Variants in GPC6 observed in about 807,000 individuals in gnomAD.
GPC6 encodes glypican-6.
In GPC6, 14 loss-of-function variants were observed where a neutral mutation model predicts 55.2. The ratio of observed to expected loss-of-function variants is 0.25; its 90% CI spans 0.17 to 0.40. The LOEUF is 0.40. GPC6 is among the 10% of genes least tolerant of loss of function. The probability of loss-of-function intolerance (pLI) is 1.00; values close to 1 mark genes in which losing one functional copy is unlikely to be tolerated. For synonymous variants in GPC6, 278 were observed against 259.6 expected (o/e 1.07, Z -0.68); for missense variants, 641 against 708.5 (o/e 0.90, Z 1.08).
chr13:93,430,556 T>C (rs1877318317), intron 1 of GPC6, among the ~76,000 whole-genome samples: 2 of 152,078 alleles, frequency 1.3e-5, no homozygotes, highest in African/African-American at 4.8e-5. Context: ...ATAAGGCAGA[T>C]TGAACAACTT....
intron 4 of GPC6, among the ~76,000 whole-genome samples, chr13:94,170,029 A>G (rs1888506162): frequency 6.6e-6 from 1 of 152,206 alleles, no homozygotes; most frequent in African/African-American, 2.4e-5. Context: ...AGAGTTGATT[A>G]AAAGAGCTTT....
intron 2 of GPC6, among the ~76,000 whole-genome samples, chr13:93,588,262 C>T (rs1877298434): frequency 6.6e-6 from 1 of 152,098 alleles, no homozygotes; most frequent in Non-Finnish European, 1.5e-5. Flanking sequence ...TACAAACTTG[C>T]ATTAAGGGAA....
intron 6 of GPC6, among the ~76,000 whole-genome samples, chr13:94,358,233 G>C (rs912359728): frequency 6.7e-6 from 1 of 149,828 alleles, no homozygotes; most frequent in Non-Finnish European, 1.5e-5. Flanking sequence ...AGGTTGCAGT[G>C]AGCTGAGATA....
rs569453492 is a variant in GPC6, at chr13:93,804,904, C to T, written c.320-25250C>T. Among the ~76,000 whole-genome samples, 5 of 152,174 alleles carry T rather than the reference C, an allele frequency of 3.3e-5. No homozygotes were observed. In the South Asian group the frequency reaches 1.0e-3, roughly 32 times the overall value. On this transcript the variant is annotated intron_variant, in intron 2 of 8. Coordinates refer to ENST00000377047, the MANE Select transcript of GPC6 (RefSeq NM_005708.5). The stretch of plus-strand genomic sequence containing the variant: ...GAACAGAAAGGGTCATTTCTTCTCT[C>T]CATCCTAGCAGAGCTGTTATGAAGA...
intron 8 of GPC6, 44 bp downstream of exon 8, chr13:94,398,685 A>C (rs760061591): frequency 1.3e-6 from 2 of 1,561,734 alleles, no homozygotes; most frequent in Non-Finnish European, 1.8e-6. Context: ...AAAGTAAAAA[A>C]TGGTTTTAGA....
At chr13:93,510,406 G>C (rs948802038) in intron 1 of GPC6, among the ~76,000 whole-genome samples, 1 of 152,068 alleles carries the variant, frequency 6.6e-6, no homozygotes, top group South Asian at 2.1e-4. Flanking sequence ...CTATAAGTGA[G>C]AGCATGCAAT....
intron 2 of GPC6, among the ~76,000 whole-genome samples, chr13:93,657,112 T>C (rs747972696): frequency 6.6e-6 from 1 of 152,022 alleles, no homozygotes; most frequent in Non-Finnish European, 1.5e-5. Context: ...CTAAAATTCA[T>C]ACAGAATCAG....
intron 1 of GPC6, among the ~76,000 whole-genome samples, chr13:93,539,256 A>G (rs1348510152): frequency 2.6e-5 from 4 of 152,170 alleles, no homozygotes; most frequent in Non-Finnish European, 5.9e-5. Flanking sequence ...CTTTAGCTCT[A>G]GAACCATGCT....
In GPC6 at chr13:93,227,693, TC is replaced by T; in HGVS notation, c.160+79del. The T allele has an allele frequency of 8.5e-7, 1 of 1,180,086 alleles. No homozygotes were observed. The highest frequency in any genetic ancestry group is 1.2e-6 in the Non-Finnish European group (1 of 832,202). 73.1% of individuals were successfully genotyped at this position (1,180,086 alleles called of 1,614,324 possible). A position where few individuals can be genotyped will look rare whatever the true frequency, so the allele number is the denominator to read the frequency against. On this transcript the variant is annotated intron_variant, in intron 1 of 8. Coordinates refer to ENST00000377047, the MANE Select transcript of GPC6 (RefSeq NM_005708.5). This position sits in a 1 kb window ranked among gnomAD's most constrained non-coding sequence, Gnocchi z 4.3. Reference sequence around the variant, plus strand: ...TCCCACTGGCCGCCCGGCGTCCCCTTCCTTCCCCCTGTTGCTGAGTTGGTGC... The same window carrying T: ...TCCCACTGGCCGCCCGGCGTCCCCTTCTTCCCCCTGTTGCTGAGTTGGTGC...
At chr13:93,982,313 CA>C (rs1314851265) in intron 3 of GPC6, among the ~76,000 whole-genome samples, 5 of 151,918 alleles carry the variant, frequency 3.3e-5, no homozygotes, top group Non-Finnish European at 5.9e-5. Context: ...AAAGAGAAGA[CA>C]AAAAGACATA....
At chr13:93,756,179 G>T (rs1321506044) in intron 2 of GPC6, among the ~76,000 whole-genome samples, 1 of 152,182 alleles carries the variant, frequency 6.6e-6, no homozygotes, top group Non-Finnish European at 1.5e-5. Flanking sequence ...TGAGAACAGT[G>T]TGTCAATCAA....
chr13:93,385,688 C>T (rs140720956), intron 1 of GPC6, among the ~76,000 whole-genome samples: 164 of 152,216 alleles, frequency 1.1e-3, no homozygotes, highest in Middle Eastern at 3.4e-3. Flanking sequence ...TTCTCTAATG[C>T]CTAAAACATA....
intron 1 of GPC6, among the ~76,000 whole-genome samples, chr13:93,439,377 T>A (rs1351944167): frequency 6.6e-6 from 1 of 152,168 alleles, no homozygotes; most frequent in Admixed American, 6.6e-5. Context: ...TCATGTGCTG[T>A]TCTCATGATA....
At chr13:93,510,123 A>C (rs1880893546) in intron 1 of GPC6, among the ~76,000 whole-genome samples, 1 of 152,108 alleles carries the variant, frequency 6.6e-6, no homozygotes, top group African/African-American at 2.4e-5. Context: ...ATTTTGGCAT[A>C]ATTTTATGGG....
At chr13:94,326,855 G>A (rs918727952) in intron 6 of GPC6, among the ~76,000 whole-genome samples, 15 of 152,158 alleles carry the variant, frequency 9.9e-5, no homozygotes, top group Admixed American at 3.9e-4. Context: ...TTGCAAACAC[G>A]GGCACTCTGT....
At chr13:93,574,853 T>C (rs1370866304) in intron 2 of GPC6, among the ~76,000 whole-genome samples, 4 of 152,226 alleles carry the variant, frequency 2.6e-5, no homozygotes, top group African/African-American at 9.6e-5. Context: ...TTATTGAAAT[T>C]AGCATATTGT....
At chr13:93,397,354 G>A (rs1408392894) in intron 1 of GPC6, among the ~76,000 whole-genome samples, 1 of 152,104 alleles carries the variant, frequency 6.6e-6, no homozygotes, top group Non-Finnish European at 1.5e-5. Context: ...TCTAATAAGT[G>A]TAAAGTGATA....
At chr13:93,988,956 T>G (rs12869596) in intron 3 of GPC6, among the ~76,000 whole-genome samples, 62,806 of 151,904 alleles carry the variant, frequency 0.41, 14,412 homozygotes, top group Non-Finnish European at 0.53. Flanking sequence ...GATAGATACA[T>G]AGATAGGTAG....
the GPC6 span, among the ~76,000 whole-genome samples, chr13:93,218,149 T>C: frequency 6.9e-6 from 1 of 144,736 alleles, no homozygotes; most frequent in Middle Eastern, 3.7e-3. Flanking sequence ...ACTTAAAAAA[T>C]ATGCACCAGA....
Sources: gnomAD v4.1 joint callset for allele counts (sites outside exome capture counted in the v4.1 genomes callset) on GRCh38, gnomAD v4.1.1 for gene constraint, Gnocchi (gnomAD v3.1) non-coding constraint, MANE v1.5 for transcripts, NCBI Gene and HGNC (gene_info 2026-07-23, HGNC 2026-07-21) for gene names.